The following PCDHA8 variants were observed in gnomAD, a reference collection of about 807,000 sequenced individuals.
PCDHA8 encodes protocadherin alpha-8.
In PCDHA8, 53 loss-of-function variants were observed where a neutral mutation model predicts 61.8. The ratio of observed to expected loss-of-function variants is 0.86; its 90% CI spans 0.69 to 1.08. The LOEUF (loss-of-function observed/expected upper bound fraction) is 1.08. PCDHA8 is among the 50% of genes least tolerant of loss of function. PCDHA8 has a pLI of 0.00. For missense variants in PCDHA8, 1,293 were observed against 1,245.0 expected (o/e 1.04, Z -0.58); for synonymous variants, 618 against 556.6 (o/e 1.11, Z -1.55).
intron 1 of PCDHA8, chr5:140,877,885 T>C: frequency 1.4e-6 from 2 of 1,463,874 alleles, no homozygotes; most frequent in Non-Finnish European, 1.8e-6. Flanking sequence ...CTTGAAGAAC[T>C]TCCGTTTAGG....
At chr5:140,857,947 G>C in intron 1 of PCDHA8, 1 of 1,597,414 alleles carries the variant, frequency 6.3e-7, no homozygotes, top group Non-Finnish European at 8.6e-7. Flanking sequence ...TCAGTACGAC[G>C]CGCGCTCTGG....
In PCDHA8 at chr5:141,011,530, T is replaced by C. The variant is rs1427621980; in HGVS notation, c.*1593T>C. 7 of 153,810 alleles carry C rather than the reference T, an allele frequency of 4.6e-5. No individual in the cohort carries two copies. The highest frequency in any genetic ancestry group is 1.7e-4 in the African/African-American group (7 of 41,470). The allele number at this position is 153,810 out of a possible 1,614,324, so 9.5% of individuals were successfully genotyped here. Reference sequence around the variant, plus strand: ...TGGAGTAGTGTTTTTTTAACCATTGTTAATCAGCTTTTGTGTATGAAAGAC... The same window carrying C: ...TGGAGTAGTGTTTTTTTAACCATTGCTAATCAGCTTTTGTGTATGAAAGAC... On this transcript the variant is annotated 3_prime_UTR_variant, in exon 4 of 4. Transcript: ENST00000531613.
At chr5:140,937,982 A>G (rs1227498616) in intron 1 of PCDHA8, among the ~76,000 whole-genome samples, 1 of 151,926 alleles carries the variant, frequency 6.6e-6, no homozygotes, top group Non-Finnish European at 1.5e-5. Flanking sequence ...TACTGATTTT[A>G]TGTTAACTTT....
At chr5:140,869,928 A>G (rs1554163617) in intron 1 of PCDHA8, 1 of 1,611,726 alleles carries the variant, frequency 6.2e-7, no homozygotes, top group Middle Eastern at 1.6e-4. Context: ...GAGTCAATGG[A>G]GAGGTAACAT....
chr5:140,960,727 CA>C (rs2095565377), intron 1 of PCDHA8, among the ~76,000 whole-genome samples: 3 of 30,176 alleles, frequency 9.9e-5, no homozygotes, highest in Non-Finnish European at 1.9e-4. Context: ...TATTTTAGTC[CA>C]TGATTTTAGT....
chr5:140,958,724 A>G (rs1563299236), intron 1 of PCDHA8, among the ~76,000 whole-genome samples: 1 of 152,188 alleles, frequency 6.6e-6, no homozygotes, highest in Admixed American at 6.5e-5. Context: ...TAAATGTAAC[A>G]CTGAATGGGA....
chr5:140,884,634 GGGA>G (rs1562808845), intron 1 of PCDHA8: 3 of 1,612,414 alleles, frequency 1.9e-6, no homozygotes, highest in Non-Finnish European at 2.5e-6. Context: ...ACAGGCCAGA[GGGA>G]GGAGGACTCA....
chr5:140,919,231 C>T (rs984376374), intron 1 of PCDHA8, among the ~76,000 whole-genome samples: 1 of 152,160 alleles, frequency 6.6e-6, no homozygotes, highest in Admixed American at 6.6e-5. Context: ...TCTAGTAACA[C>T]TTTTTGTCTT....
intron 1 of PCDHA8, among the ~76,000 whole-genome samples, chr5:140,904,096 T>C (rs2153483454): frequency 6.6e-6 from 1 of 152,312 alleles, no homozygotes; most frequent in Admixed American, 6.5e-5. Flanking sequence ...AATAACTACT[T>C]TAGTGGTCAT....
rs934191848 is a variant in PCDHA8 at position 140,866,248 on chromosome 5, C to A, written c.2394+22533C>A. 5.9e-5 allele frequency: 9 copies of A among 152,184 alleles called. 1 individual carries two copies. Among genetic ancestry groups the A allele is most frequent in the Admixed American group, 3.9e-4 (6 of 15,284 alleles). 9.4% of individuals were successfully genotyped at this position (152,184 alleles called of 1,614,324 possible). A position where few individuals can be genotyped will look rare whatever the true frequency, so the allele number is the denominator to read the frequency against. ...TAAATACTATATACCAAAAATGACACCCTTCTTTCTTTACTGTGAATAAAG... is the reference window on the plus strand; with the variant it reads ...TAAATACTATATACCAAAAATGACAACCTTCTTTCTTTACTGTGAATAAAG... On this transcript the variant is annotated intron_variant, in intron 1 of 3. Coordinates refer to ENST00000531613, the MANE Select transcript of PCDHA8 (RefSeq NM_018911.3).
At chr5:140,968,624 C>CT in intron 1 of PCDHA8, 3 of 1,614,176 alleles carry the variant, frequency 1.9e-6, no homozygotes, top group East Asian at 2.2e-5. Context: ...AAATGCTTGG[C>CT]TTTTTTACCA....
chr5:140,841,827 C>T lies in PCDHA8; in HGVS notation c.506C>T (p.Thr169Ile). 1 of 1,613,914 alleles carries T rather than the reference C, an allele frequency of 6.2e-7. No homozygotes were observed. Among genetic ancestry groups the T allele is most frequent in the Non-Finnish European group, 8.5e-7 (1 of 1,179,854 alleles). The stretch of plus-strand genomic sequence containing the variant: ...GATGTTGGAGCTAACTCCGTGTTAA[C>T]CTACAGGCTTAGCTCTCATGATTAC... Reference protein sequence around the residue: ...DADVGANSVLTYRLSSHDYFM... With the variant: ...DADVGANSVLIYRLSSHDYFM... The change falls in exon 1 of 4, where the codon ACC becomes ATC. Residue 169 changes from threonine (T) to isoleucine (I), a missense_variant. By Grantham distance (89) the Thr-to-Ile change is moderately conservative (BLOSUM62 -1). Transcript: ENST00000531613.
At chr5:140,865,116 G>T (rs2048743320) in intron 1 of PCDHA8, 1 of 152,144 alleles carries the variant, frequency 6.6e-6, no homozygotes, top group Non-Finnish European at 1.5e-5. Flanking sequence ...GACAATTGTG[G>T]TGTTAATTAT....
intron 1 of PCDHA8, among the ~76,000 whole-genome samples, chr5:140,844,353 G>A (rs1249392344): frequency 6.7e-6 from 1 of 148,820 alleles, no homozygotes; most frequent in Admixed American, 6.7e-5. Context: ...AAATCAAGAG[G>A]GAAGAGATTT....
chr5:140,979,090 C>A, intron 2 of PCDHA8, 83 bp downstream of exon 2: 1 of 1,557,284 alleles, frequency 6.4e-7, no homozygotes, highest in Non-Finnish European at 8.7e-7. Flanking sequence ...AGGCCAGAAG[C>A]AGCTGTCAAA....
At chr5:140,929,160 T>G in intron 1 of PCDHA8, 1 of 1,614,130 alleles carries the variant, frequency 6.2e-7, no homozygotes, top group East Asian at 2.2e-5. Context: ...CTTATCTCTA[T>G]CGGGCCTCTC....
At chr5:140,930,712 A>T (rs1584689351) in intron 1 of PCDHA8, among the ~76,000 whole-genome samples, 1 of 152,234 alleles carries the variant, frequency 6.6e-6, no homozygotes, top group Non-Finnish European at 1.5e-5. Flanking sequence ...ATTCTTCCTC[A>T]AGTAATGATG....
At chr5:140,961,646 T>C (rs554070301) in intron 1 of PCDHA8, among the ~76,000 whole-genome samples, 19 of 152,328 alleles carry the variant, frequency 1.2e-4, no homozygotes, top group African/African-American at 4.6e-4. Flanking sequence ...TAAGTCTATG[T>C]GGTTAGTTTG....
At chr5:140,884,667 G>A (rs1304262646) in intron 1 of PCDHA8, 4 of 1,568,684 alleles carry the variant, frequency 2.5e-6, no homozygotes, top group Non-Finnish European at 2.6e-6. Context: ...AAAGAGGTAA[G>A]CTTATATTTT....
Sources: gnomAD v4.1 joint callset for allele counts (sites outside exome capture counted in the v4.1 genomes callset) on GRCh38, gnomAD v4.1.1 for gene constraint, MANE v1.5 for transcripts, NCBI Gene and HGNC (gene_info 2026-07-23, HGNC 2026-07-21) for gene names.